The following PLA2G12B variants were observed in gnomAD, a reference collection of about 807,000 sequenced individuals.
The protein encoded by PLA2G12B is phospholipase A2 group XIIB.
PLA2G12B carries 19 observed loss-of-function variants against 22.3 expected under a neutral mutation model. The ratio of observed to expected loss-of-function variants is 0.85; its 90% CI spans 0.60 to 1.25. The LOEUF is 1.25. Ranked by LOEUF, PLA2G12B falls within the 50% of genes most tolerant of loss-of-function variation. PLA2G12B has a pLI of 0.00. For missense variants in PLA2G12B, 191 were observed against 246.6 expected (o/e 0.77, Z 1.51); for synonymous variants, 81 against 94.9 (o/e 0.85, Z 0.85).
intron 1 of PLA2G12B, among the ~76,000 whole-genome samples, chr10:72,947,744 C>G (rs894197894): frequency 6.6e-6 from 1 of 152,194 alleles, no homozygotes; most frequent in Non-Finnish European, 1.5e-5. Context: ...ATAACATAGA[C>G]TGGATGGCTT....
intron 1 of PLA2G12B, among the ~76,000 whole-genome samples, chr10:72,952,443 C>T (rs1846547152): frequency 6.6e-6 from 1 of 152,190 alleles, no homozygotes; most frequent in Non-Finnish European, 1.5e-5. Flanking sequence ...ATCAGAAACA[C>T]CTGGGGTGGG....
At chr10:72,949,705 C>T (rs1454250338) in intron 1 of PLA2G12B, among the ~76,000 whole-genome samples, 6 of 152,132 alleles carry the variant, frequency 3.9e-5, no homozygotes, top group African/African-American at 9.7e-5. Context: ...AGGCCGGGCG[C>T]GGTGGCTCAC....
intron 1 of PLA2G12B, among the ~76,000 whole-genome samples, chr10:72,952,181 T>C (rs1257656578): frequency 6.6e-6 from 1 of 152,212 alleles, no homozygotes; most frequent in Non-Finnish European, 1.5e-5. Context: ...CTGTTTTAAA[T>C]AGTAGTTAGT....
chr10:72,938,884 A>G (rs775205572), intron 3 of PLA2G12B, among the ~76,000 whole-genome samples: 5 of 152,252 alleles, frequency 3.3e-5, no homozygotes, highest in African/African-American at 9.6e-5. Flanking sequence ...AGAAAAGTAC[A>G]CAGTTTAAGA....
intron 1 of PLA2G12B, among the ~76,000 whole-genome samples, chr10:72,942,988 C>T (rs58141456): frequency 0.039 from 5,840 of 148,152 alleles, 388 homozygotes; most frequent in African/African-American, 0.14. Flanking sequence ...TTTTTTGAGA[C>T]AGGGTCCCTC....
At chr10:72,950,809 A>G (rs1286723398) in intron 1 of PLA2G12B, among the ~76,000 whole-genome samples, 2 of 152,234 alleles carry the variant, frequency 1.3e-5, no homozygotes, top group Non-Finnish European at 2.9e-5. Flanking sequence ...TAAATCCAGG[A>G]AGAAATTCAT....
intron 3 of PLA2G12B, 36 bp from the exon 4 acceptor site, chr10:72,935,774 C>T: frequency 6.2e-7 from 1 of 1,605,458 alleles, no homozygotes; most frequent in South Asian, 1.1e-5. Flanking sequence ...AAGGTTAACC[C>T]TGAGTAATTT....
At chr10:72,952,607 A>G (rs1846550001) in intron 1 of PLA2G12B, among the ~76,000 whole-genome samples, 1 of 152,216 alleles carries the variant, frequency 6.6e-6, no homozygotes, top group South Asian at 2.1e-4. Context: ...TCTGTTCAAA[A>G]GATTGCTCGA....
At position 72,950,950 on chromosome 10, in the gene PLA2G12B, C is replaced by T. The variant is rs531853164; in HGVS notation, c.211+3525G>A. On this transcript the variant is annotated intron_variant, in intron 1 of 3. Transcript: ENST00000373032. ...CGTTGTTCCCTCGAGGGACTTCTTCCGGAAGCTGAGAGGCTGTTGTCCAGC... is the reference window on the plus strand; with the variant it reads ...CGTTGTTCCCTCGAGGGACTTCTTCTGGAAGCTGAGAGGCTGTTGTCCAGC... Among the ~76,000 whole-genome samples the T allele has an allele frequency of 3.3e-5, 5 of 152,278 alleles. No homozygotes were observed. The East Asian group carries it at 5.8e-4, about 18-fold the overall frequency.
chr10:72,943,438 G>T (rs1408770517), intron 1 of PLA2G12B, among the ~76,000 whole-genome samples: 1 of 152,140 alleles, frequency 6.6e-6, no homozygotes, highest in Admixed American at 6.6e-5. Context: ...AATCCGAATT[G>T]TAGCAGCACC....
intron 1 of PLA2G12B, among the ~76,000 whole-genome samples, chr10:72,949,241 G>C (rs1297041815): frequency 6.6e-6 from 1 of 151,980 alleles, no homozygotes; most frequent in Admixed American, 6.6e-5. Flanking sequence ...GAAATTCACG[G>C]GAGTGCTTTT....
chr10:72,943,504 G>A (rs971818218), intron 1 of PLA2G12B, among the ~76,000 whole-genome samples: 9 of 152,174 alleles, frequency 5.9e-5, no homozygotes, highest in Admixed American at 1.3e-4. Flanking sequence ...CGTAGACAGA[G>A]TATTATTGAG....
chr10:72,940,633 C>T (rs1046460127), intron 3 of PLA2G12B, among the ~76,000 whole-genome samples: 1 of 152,078 alleles, frequency 6.6e-6, no homozygotes, highest in African/African-American at 2.4e-5. Context: ...GATCCCACCA[C>T]TACACTCCAG....
At chr10:72,942,447 C>A (rs1286503593) in intron 2 of PLA2G12B, among the ~76,000 whole-genome samples, 1 of 152,064 alleles carries the variant, frequency 6.6e-6, no homozygotes, top group East Asian at 1.9e-4. Context: ...TGATCCACTA[C>A]CAAGGGCTTA....
chr10:72,939,252 TCAA>T (rs957286646), intron 3 of PLA2G12B, among the ~76,000 whole-genome samples: 1 of 152,154 alleles, frequency 6.6e-6, no homozygotes, highest in African/African-American at 2.4e-5. Context: ...TAAATCTGTT[TCAA>T]CAACAACAAA....
At chr10:72,947,419 T>C (rs923305654) in intron 1 of PLA2G12B, among the ~76,000 whole-genome samples, 5 of 152,048 alleles carry the variant, frequency 3.3e-5, no homozygotes, top group Admixed American at 2.0e-4. Flanking sequence ...TTGTATTTTT[T>C]TGTGGAGATG....
intron 1 of PLA2G12B, among the ~76,000 whole-genome samples, chr10:72,951,410 A>G (rs1307701001): frequency 6.6e-6 from 1 of 151,360 alleles, no homozygotes; most frequent in African/African-American, 2.4e-5. Context: ...TATATTTTGG[A>G]AGCGATTCTC....
intron 3 of PLA2G12B, 60 bp downstream of exon 3, chr10:72,941,109 C>T (rs1298735406): frequency 1.3e-6 from 2 of 1,517,800 alleles, no homozygotes; most frequent in Admixed American, 3.5e-5. Context: ...CTGGCTATAT[C>T]TCGGTGTGAA....
intron 1 of PLA2G12B, among the ~76,000 whole-genome samples, chr10:72,951,236 G>A (rs1846525926): frequency 6.6e-6 from 1 of 151,954 alleles, no homozygotes; most frequent in South Asian, 2.1e-4. Context: ...CTCACCCAAG[G>A]TCACCAGCAA....
Sources: allele counts gnomAD v4.1 joint callset (sites outside exome capture counted in the v4.1 genomes callset), GRCh38; gene constraint gnomAD v4.1.1; transcripts MANE v1.5; gene names NCBI Gene and HGNC (gene_info 2026-07-23, HGNC 2026-07-21).